The following ATP8B3 variants were observed in gnomAD, a reference collection of about 807,000 sequenced individuals.
ATP8B3 encodes the protein ATPase phospholipid transporting 8B3, also known as phospholipid-transporting ATPase IK.
Under a neutral mutation model 140.9 loss-of-function variants are expected in ATP8B3, and 141 were observed. The ratio of observed to expected loss-of-function variants is 1.00; its 90% CI spans 0.87 to 1.15. The LOEUF is 1.15. Among genes scored for constraint, ATP8B3 ranks in the 50% most tolerant of loss-of-function variants. ATP8B3 has a pLI of 0.00. For missense variants in ATP8B3, 1,874 were observed against 1,740.6 expected (o/e 1.08, Z -1.36); for synonymous variants, 765 against 714.6 (o/e 1.07, Z -1.13).
intron 18 of ATP8B3, among the ~76,000 whole-genome samples, chr19:1,792,864 G>A (rs2068556489): frequency 6.6e-6 from 1 of 151,220 alleles, no homozygotes; most frequent in African/African-American, 2.4e-5. Context: ...GCAGTGAGCT[G>A]AGATCGCCCT....
chr19:1,785,813 T>C, intron 25 of ATP8B3, 105 bp from the exon 26 acceptor site: 2 of 1,265,140 alleles, frequency 1.6e-6, no homozygotes, highest in Non-Finnish European at 2.2e-6. Context: ...TCTCTGTGTG[T>C]GGCTCTTTGA....
At position 1,787,074 on chromosome 19, in the gene ATP8B3, G is replaced by A. The variant is rs755271361; in HGVS notation, c.3153+29C>T. 2.6e-6 allele frequency: 4 copies of A among 1,548,438 alleles called. No homozygotes were observed. In the African/African-American group the frequency reaches 5.5e-5, roughly 21 times the overall value. On this transcript the variant is annotated intron_variant, in intron 25 of 28. Transcript: ENST00000310127. Reference sequence around the variant, plus strand: ...GGAGGAGAGGCTAAGCAGAGACCTGGAAGGAAGACCCGGCCTTGCCCTGCT... The same window carrying A: ...GGAGGAGAGGCTAAGCAGAGACCTGAAAGGAAGACCCGGCCTTGCCCTGCT...
chr19:1,785,141 T>G lies in ATP8B3; in HGVS notation c.3532+18A>C. ...CCTGCACCACGACCGCCCGTCCCAC[T>G]TCCCCATGGGGGCTCACACAGAAAC... On this transcript the variant is annotated intron_variant, in intron 27 of 28. Coordinates refer to ENST00000310127, the MANE Select transcript of ATP8B3 (RefSeq NM_138813.4). 1 of 1,537,940 alleles carries G rather than the reference T, an allele frequency of 6.5e-7. No homozygotes were observed. The highest frequency in any genetic ancestry group is 8.8e-7 in the Non-Finnish European group (1 of 1,142,178).
chr19:1,811,889 G>A lies in ATP8B3; in HGVS notation c.-148-5C>T, dbSNP rs974135230. 1 of 863,100 alleles carries A rather than the reference G, an allele frequency of 1.2e-6. No homozygotes were observed. The highest frequency in any genetic ancestry group is 1.7e-6 in the Non-Finnish European group (1 of 584,076). 53.5% of individuals were successfully genotyped at this position (863,100 alleles called of 1,614,324 possible). On this transcript the variant is annotated splice_region_variant and splice_polypyrimidine_tract_variant and intron_variant, in intron 1 of 28. Transcript: ENST00000310127. The stretch of plus-strand genomic sequence containing the variant: ...CAGAATCCACTCGAAGTGTATCTGG[G>A]GGCAGAAAGAGACACGGACACAGCG...
At chr19:1,810,555 C>T (rs536603349) in intron 3 of ATP8B3, 67 bp downstream of exon 3, 16 of 1,501,342 alleles carry the variant, frequency 1.1e-5, no homozygotes, top group African/African-American at 5.6e-5. Context: ...AGAGCCACCA[C>T]GCCTGGCCAG....
Position 1,802,555 on chromosome 19 carries a change from C to T in ATP8B3, c.995G>A (p.Gly332Asp), listed in dbSNP as rs1266649846. The change falls in exon 11 of 29, where the codon GGC becomes GAC. Residue 332 changes from glycine to aspartate, a missense_variant. By Grantham distance (94) the Gly-to-Asp change is moderately conservative. Around this residue, in one of 3 missense-constraint regions of ATP8B3, gnomAD observed 1,032 missense variants for 963.6 expected, o/e 1.07. Transcript: ENST00000310127. The part of the protein sequence containing the change: ...WNDKKYSLDI[G>D]NLLLRGCRIR... ...CCTGCAGCCTCGGAGGAGGAGGTTG[C>T]CAATGTCCAGGGAGTATTTCTTGTC... is the stretch of plus-strand genomic sequence containing the variant. 4 of 1,610,696 alleles carry T rather than the reference C, an allele frequency of 2.5e-6. No homozygotes were observed. The highest frequency in any genetic ancestry group is 1.7e-5 in the Admixed American group (1 of 59,720).
At position 1,805,140 on chromosome 19, in the gene ATP8B3, T is replaced by C; in HGVS notation, c.904+234A>G. ...ACCGGCATGTGCCACCACGCCCAGC[T>C]ACTTGTTTTATTTTTGTAGAGATGG... is the stretch of plus-strand genomic sequence containing the variant. On this transcript the variant is annotated intron_variant, in intron 10 of 28. Transcript: ENST00000310127. The surrounding 1 kb of genome is among the most constrained non-coding windows in gnomAD (Gnocchi z 5.2). The C allele has an allele frequency of 4.0e-6, 2 of 502,230 alleles. No individual in the cohort carries two copies. Among genetic ancestry groups the C allele is most frequent in the Non-Finnish European group, 7.4e-6 (2 of 271,594 alleles). The allele number at this position is 502,230 out of a possible 1,614,324, so 31.1% of individuals were successfully genotyped here.
intron 24 of ATP8B3, 62 bp downstream of exon 24, chr19:1,788,835 A>C: frequency 7.0e-7 from 1 of 1,435,780 alleles, no homozygotes; most frequent in Non-Finnish European, 9.5e-7. Flanking sequence ...CCTGGCAGCT[A>C]TGGGAGGGGC....
At chr19:1,790,668 G>A in intron 21 of ATP8B3, 89 bp downstream of exon 21, 4 of 1,113,762 alleles carry the variant, frequency 3.6e-6, no homozygotes, top group Non-Finnish European at 4.9e-6. Context: ...TGTGCCTTGG[G>A]CTCCCCGTCC....
rs754696401 is a variant in ATP8B3 at position 1,799,966 on chromosome 19, G to A, written c.1533C>T (p.Cys511=). The part of the protein sequence containing the change: ...TQNILTFNKC[C]ISGRVYGPDS... ...CCGCACCATAGACGCGGCCGCTGATGCAGCACTTGTTGAAGGTCAAGATGT... is the reference window on the plus strand; with the variant it reads ...CCGCACCATAGACGCGGCCGCTGATACAGCACTTGTTGAAGGTCAAGATGT... The change falls in exon 14 of 29, where the codon TGC becomes TGT. Residue 511 remains cysteine, a synonymous_variant. Coordinates refer to ENST00000310127, the MANE Select transcript of ATP8B3 (RefSeq NM_138813.4). The A allele has an allele frequency of 2.5e-6, 4 of 1,602,494 alleles. No homozygotes were observed. The East Asian group carries it at 9.0e-5, about 36-fold the overall frequency.
chr19:1,783,030 A>ACT lies in ATP8B3; in HGVS notation c.3899_3900dup (p.Ter1301SerfsTer93). ...AGGAAGGACATCTTCCTGAGGTGTCACTGTGACTCTTTTGGGCTCGAAGCT... is the reference window on the plus strand; with the variant it reads ...AGGAAGGACATCTTCCTGAGGTGTCACTCTGTGACTCTTTTGGGCTCGAAGCT... On this transcript the variant is annotated frameshift_variant, in exon 29 of 29. Coordinates refer to ENST00000310127, the MANE Select transcript of ATP8B3 (RefSeq NM_138813.4). LOFTEE classifies it high-confidence loss of function. The ACT allele has an allele frequency of 1.2e-6, 2 of 1,603,738 alleles. No individual in the cohort carries two copies. The highest frequency in any genetic ancestry group is 8.5e-7 in the Non-Finnish European group (1 of 1,175,510).
At chr19:1,790,677 C>T (rs1169399869) in intron 21 of ATP8B3, 80 bp downstream of exon 21, 3 of 1,108,890 alleles carry the variant, frequency 2.7e-6, no homozygotes, top group Non-Finnish European at 3.6e-6. Flanking sequence ...GGCTCCCCGT[C>T]CAGTGAGACA....
At chr19:1,803,437 C>G (rs993407218) in intron 10 of ATP8B3, among the ~76,000 whole-genome samples, 1 of 152,228 alleles carries the variant, frequency 6.6e-6, no homozygotes, top group Non-Finnish European at 1.5e-5. Context: ...CTCAGGCCAC[C>G]TCTCTGAACC....
rs543399907 is a variant in ATP8B3 at position 1,800,274 on chromosome 19, A to T, written c.1328T>A (p.Met443Lys). Residue 443 changes from methionine to lysine, a missense_variant, in exon 13 of 29, where the codon ATG becomes AAG. Met to Lys is a moderately conservative substitution (Grantham distance 95, BLOSUM62 -1). Around this residue, in one of 3 missense-constraint regions of ATP8B3, gnomAD observed 1,032 missense variants for 963.6 expected, o/e 1.07. Transcript: ENST00000310127. The surrounding 1 kb of genome is among the most constrained non-coding windows in gnomAD (Gnocchi z 4.4). ...FLILLSVTIP[M>K]SMFILSEFIY... ...GGAGACTCACAGGATGAACATGGAC[A>T]TCGGGATGGTGACGCTGAGCAGGAT... 4 of 1,611,630 alleles carry T rather than the reference A, an allele frequency of 2.5e-6. No individual in the cohort carries two copies. In the African/African-American group the frequency reaches 5.3e-5, roughly 22 times the overall value.
At chr19:1,810,595 A>G in intron 3 of ATP8B3, 27 bp downstream of exon 3, 2 of 1,608,038 alleles carry the variant, frequency 1.2e-6, no homozygotes, top group Non-Finnish European at 1.7e-6. Flanking sequence ...TCCCACCTGC[A>G]CCGCCCCCTC....
In ATP8B3 at chr19:1,805,825, G is replaced by T. The variant is rs1283477401; in HGVS notation, c.821+63C>A. ...GGCCGCCTCCTTGGTGACTGGGGAAGGGGGCTCCTCCGGGCCATGCTCCCC... is the reference window on the plus strand; with the variant it reads ...GGCCGCCTCCTTGGTGACTGGGGAATGGGGCTCCTCCGGGCCATGCTCCCC... On this transcript the variant is annotated intron_variant, in intron 9 of 28. Coordinates refer to ENST00000310127, the MANE Select transcript of ATP8B3 (RefSeq NM_138813.4). The surrounding 1 kb of genome is among the most constrained non-coding windows in gnomAD (Gnocchi z 5.2). 6.3e-7 allele frequency: 1 copy of T among 1,593,920 alleles called. No homozygotes were observed. Among genetic ancestry groups the T allele is most frequent in the Admixed American group, 1.7e-5 (1 of 59,644 alleles).
Position 1,797,995 on chromosome 19 carries a change from GTC to G in ATP8B3, c.1553-992_1553-991del, listed in dbSNP as rs758813473. On this transcript the variant is annotated intron_variant, in intron 14 of 28. Coordinates refer to ENST00000310127, the MANE Select transcript of ATP8B3 (RefSeq NM_138813.4). ...GTCTTTTGTGTGTGTGTGTGATGGA[GTC>G]TCTCTCTATCACCCAGGCTGCTGGA... Among the ~76,000 whole-genome samples, 5 of 151,880 alleles carry G rather than the reference GTC, an allele frequency of 3.3e-5. No homozygotes were observed. In the East Asian group the frequency reaches 7.8e-4, roughly 24 times the overall value.
chr19:1,809,829 C>G, intron 3 of ATP8B3, 95 bp from the exon 4 acceptor site: 1 of 1,185,110 alleles, frequency 8.4e-7, no homozygotes, highest in South Asian at 1.3e-5. Flanking sequence ...CCCGTGGGAC[C>G]CAGGCACTGG....
Position 1,806,667 on chromosome 19 carries a change from GCT to G in ATP8B3, c.636_637del (p.Arg212SerfsTer61), listed in dbSNP as rs2069032345. ...AATCTGGCAGGGTCTGTTGTTGATGGCTCTGTCACTCTTGTGTCTCCCCTGGG... is the reference window on the plus strand; with the variant it reads ...AATCTGGCAGGGTCTGTTGTTGATGGCTGTCACTCTTGTGTCTCCCCTGGG... On this transcript the variant is annotated frameshift_variant, in exon 7 of 29. Coordinates refer to ENST00000310127, the MANE Select transcript of ATP8B3 (RefSeq NM_138813.4). LOFTEE classifies it high-confidence loss of function. The surrounding 1 kb of genome is among the most constrained non-coding windows in gnomAD (Gnocchi z 5.6). 6.4e-7 allele frequency: 1 copy of G among 1,565,456 alleles called. No individual in the cohort carries two copies. The highest frequency in any genetic ancestry group is 1.9e-5 in the Admixed American group (1 of 53,258).
Sources: allele counts gnomAD v4.1 joint callset (sites outside exome capture counted in the v4.1 genomes callset), GRCh38; gene constraint gnomAD v4.1.1; regional missense constraint gnomAD v4.1.1; non-coding constraint Gnocchi (gnomAD v3.1); transcripts MANE v1.5; gene names NCBI Gene and HGNC (gene_info 2026-07-23, HGNC 2026-07-21).